EIF2S1: variants seen among roughly 807,000 people sequenced by gnomAD.
The protein encoded by EIF2S1 is eukaryotic translation initiation factor 2 subunit 1.
A neutral mutation model predicts 33.5 loss-of-function variants in EIF2S1; 5 were observed. The observed-to-expected ratio is 0.15, with a 90% CI of 0.08 to 0.31. The LOEUF (loss-of-function observed/expected upper bound fraction) is 0.31, where lower values mean the gene tolerates loss of function less well. EIF2S1 is among the 10% of genes least tolerant of loss of function. The pLI is 1.00. For synonymous variants in EIF2S1, 99 were observed against 127.5 expected, an observed-to-expected ratio of 0.78 and a Z score of 1.51; for missense variants, 191 against 384.6, an observed-to-expected ratio of 0.50 and a Z score of 4.21.
intron 2 of EIF2S1, among the ~76,000 whole-genome samples, chr14:67,371,590 T>A (rs1163827792): frequency 6.6e-6 from 1 of 152,244 alleles, no homozygotes; most frequent in Non-Finnish European, 1.5e-5. Context: ...TATACTCTAT[T>A]ATTCCTAGGC....
chr14:67,361,839 G>A (rs960729809), intron 1 of EIF2S1, among the ~76,000 whole-genome samples: 9 of 152,102 alleles, frequency 5.9e-5, no homozygotes, highest in Non-Finnish European at 8.8e-5. Flanking sequence ...TAGCTCCTAC[G>A]CTAGTACTTA....
intron 1 of EIF2S1, among the ~76,000 whole-genome samples, chr14:67,362,240 G>A (rs1446435032): frequency 1.3e-5 from 2 of 151,602 alleles, no homozygotes; most frequent in African/African-American, 4.8e-5. Flanking sequence ...GGCTGGCCTC[G>A]AACTCCTGGT....
chr14:67,376,570 T>C lies in EIF2S1; in HGVS notation c.453T>C (p.Asp151=), dbSNP rs562237827. The change falls in exon 4 of 8, where the codon GAT becomes GAC. Residue 151 remains aspartate (D), a synonymous_variant. Transcript: ENST00000256383. ...AGAGACCTGGATATGGTGCCTATGA[T>C]GCATTTAAGCATGCAGTCTCGTAAG... is the stretch of plus-strand genomic sequence containing the variant. ...KYKRPGYGAY[D]AFKHAVSDPS... is the part of the protein sequence containing the mutation. 6.2e-7 allele frequency: 1 copy of C among 1,614,016 alleles called. No homozygotes were observed. Among genetic ancestry groups the C allele is most frequent in the South Asian group, 1.1e-5 (1 of 91,066 alleles).
intron 1 of EIF2S1, among the ~76,000 whole-genome samples, chr14:67,363,667 G>A (rs2085756575): frequency 6.6e-6 from 1 of 152,144 alleles, no homozygotes; most frequent in Non-Finnish European, 1.5e-5. Flanking sequence ...GGAGAAAGTT[G>A]TACCACAAGG....
In EIF2S1 at chr14:67,365,020, A is replaced by G. The variant is rs781699987; in HGVS notation, c.241+12A>G. ...GGACAAAGAAAAAGGTAAGTGAGAA[A>G]AATATCTGTAATATAAATTTCAGAT... is the stretch of plus-strand genomic sequence containing the variant. On this transcript the variant is annotated intron_variant, in intron 2 of 7. Coordinates refer to ENST00000256383, the MANE Select transcript of EIF2S1 (RefSeq NM_004094.5). The G allele has an allele frequency of 1.3e-6, 2 of 1,572,002 alleles. No homozygotes were observed. Among genetic ancestry groups the G allele is most frequent in the African/African-American group, 1.4e-5 (1 of 73,496 alleles).
intron 1 of EIF2S1, among the ~76,000 whole-genome samples, chr14:67,361,596 A>G (rs1287133350): frequency 6.6e-6 from 1 of 152,236 alleles, no homozygotes; most frequent in African/African-American, 2.4e-5. Context: ...TTCTATATCC[A>G]TTATAGCAGT....
intron 4 of EIF2S1, 86 bp from the exon 5 acceptor site, chr14:67,380,573 T>G: frequency 1.7e-6 from 1 of 601,274 alleles, no homozygotes. Context: ...GCTTAACTAT[T>G]ATATGCATTG....
At chr14:67,375,833 A>T (rs2141142805) in intron 3 of EIF2S1, among the ~76,000 whole-genome samples, 1 of 152,292 alleles carries the variant, frequency 6.6e-6, no homozygotes, top group African/African-American at 2.4e-5. Context: ...CTTTTCTGGG[A>T]AAATTTCATA....
chr14:67,382,908 C>CGTGT lies in EIF2S1; in HGVS notation c.822+335_822+338dup, dbSNP rs58119639. ...AGAAGTGTGTGTACGTGCGTGCGTG[C>CGTGT]GTGTGTGTGTGTGTGTGTGTTATGG... On this transcript the variant is annotated intron_variant, in intron 7 of 7. Transcript: ENST00000256383. Among the ~76,000 whole-genome samples the CGTGT allele has an allele frequency of 3.6e-3, 516 of 144,202 alleles. 5 individuals carry two copies. The East Asian group carries it at 0.04, about 11-fold the overall frequency. The allele number at this position is 144,202 out of a possible 152,430, so 94.6% of individuals were successfully genotyped here.
At chr14:67,364,523 G>A (rs1474673257) in intron 1 of EIF2S1, 2 of 388,744 alleles carry the variant, frequency 5.1e-6, no homozygotes, top group Non-Finnish European at 9.3e-6. Flanking sequence ...TGATTCCTCT[G>A]AAACTAAAGG....
intron 2 of EIF2S1, among the ~76,000 whole-genome samples, chr14:67,365,778 C>A (rs544805473): frequency 6.6e-6 from 1 of 152,296 alleles, no homozygotes; most frequent in African/African-American, 2.4e-5. Context: ...TTCAACTTAC[C>A]CTTCTGAATC....
chr14:67,381,693 G>A lies in EIF2S1; in HGVS notation c.678+3G>A. 1.2e-6 allele frequency: 2 copies of A among 1,605,092 alleles called. No individual in the cohort carries two copies. Among genetic ancestry groups the A allele is most frequent in the Non-Finnish European group, 1.7e-6 (2 of 1,173,286 alleles). On this transcript the variant is annotated splice_donor_region_variant and intron_variant, in intron 6 of 7. Transcript: ENST00000256383. The stretch of plus-strand genomic sequence containing the variant: ...CTACAGAAAACATGCCCATTAAGGT[G>A]AGTCATGAGTTGTCTCCCTCCCTGC...
At chr14:67,380,449 A>T (rs931122983) in intron 4 of EIF2S1, among the ~76,000 whole-genome samples, 1 of 152,198 alleles carries the variant, frequency 6.6e-6, no homozygotes, top group South Asian at 2.1e-4. Flanking sequence ...TTTTAGTCAG[A>T]TCACTAAAAT....
chr14:67,366,201 C>T (rs895470132), intron 2 of EIF2S1, among the ~76,000 whole-genome samples: 1 of 151,814 alleles, frequency 6.6e-6, no homozygotes, highest in African/African-American at 2.4e-5. Context: ...TCAAGCAGTC[C>T]TCCCAAGTAG....
intron 6 of EIF2S1, 39 bp downstream of exon 6, chr14:67,381,729 A>C: frequency 5.4e-5 from 74 of 1,364,990 alleles, no homozygotes; most frequent in Non-Finnish European, 7.1e-5. Context: ...TGAAATGCTC[A>C]CCTAAACCAA....
At position 67,376,531 on chromosome 14, in the gene EIF2S1, T is replaced by C; in HGVS notation, c.414T>C (p.Phe138=). 6.2e-7 allele frequency: 1 copy of C among 1,614,124 alleles called. No individual in the cohort carries two copies. The highest frequency in any genetic ancestry group is 1.3e-5 in the African/African-American group (1 of 75,034). The change falls in exon 4 of 8, where the codon TTT becomes TTC. Residue 138 remains phenylalanine (F), a synonymous_variant. Transcript: ENST00000256383. ...ESLFQRTAWV[F]DDKYKRPGYG... is the part of the protein sequence containing the mutation. ...TATTCCAGAGGACTGCCTGGGTCTT[T>C]GATGACAAGTACAAGAGACCTGGAT...
Position 67,376,521 on chromosome 14 carries a change from C to T in EIF2S1, c.404C>T (p.Ala135Val). 6.2e-7 allele frequency: 1 copy of T among 1,614,074 alleles called. No individual in the cohort carries two copies. Among genetic ancestry groups the T allele is most frequent in the Non-Finnish European group, 8.5e-7 (1 of 1,179,992 alleles). ...CTGGAAAGCCTATTCCAGAGGACTG[C>T]CTGGGTCTTTGATGACAAGTACAAG... Reference protein sequence around the residue: ...EQLESLFQRTAWVFDDKYKRP... With the variant: ...EQLESLFQRTVWVFDDKYKRP... Residue 135 changes from alanine (A) to valine (V), a missense_variant, in exon 4 of 8, where the codon GCC becomes GTC. Transcript: ENST00000256383.
rs901197668 is a variant in EIF2S1, at chr14:67,360,354, C to G, written c.-104C>G. 2.5e-6 allele frequency: 1 copy of G among 397,100 alleles called. No individual in the cohort carries two copies. 24.6% of individuals were successfully genotyped at this position (397,100 alleles called of 1,614,324 possible). Reference sequence around the variant, plus strand: ...TGCGCGGTGGAGTGAGCGAAGCGCACGCTGAGGAGGATCGGCGGCCGGTGA... The same window carrying G: ...TGCGCGGTGGAGTGAGCGAAGCGCAGGCTGAGGAGGATCGGCGGCCGGTGA... On this transcript the variant is annotated 5_prime_UTR_variant, in exon 1 of 8. Transcript: ENST00000256383.
chr14:67,365,487 A>G (rs979862290), intron 2 of EIF2S1, among the ~76,000 whole-genome samples: 7 of 152,212 alleles, frequency 4.6e-5, no homozygotes, highest in African/African-American at 1.4e-4. Flanking sequence ...CACACCTGAA[A>G]TCCAACATTG....
Sources: allele counts gnomAD v4.1 joint callset (sites outside exome capture counted in the v4.1 genomes callset), GRCh38; gene constraint gnomAD v4.1.1; transcripts MANE v1.5; gene names NCBI Gene and HGNC (gene_info 2026-07-23, HGNC 2026-07-21).